The following MGST1 variants were observed in gnomAD, a reference collection of about 807,000 sequenced individuals.
MGST1 encodes glutathione S-transferase 12.
In MGST1, 5 loss-of-function variants were observed where a neutral mutation model predicts 8.9. The observed-to-expected ratio is 0.56, with a 90% CI of 0.29 to 1.19. The LOEUF is 1.19. Ranked by LOEUF, MGST1 falls within the 50% of genes most tolerant of loss-of-function variation. The pLI, the probability that MGST1 is intolerant of heterozygous loss-of-function variation, is 0.08. For missense variants in MGST1, 182 were observed against 187.4 expected, an observed-to-expected ratio of 0.97 and a Z score of 0.17; for synonymous variants, 54 against 67.8, an observed-to-expected ratio of 0.80 and a Z score of 1.00.
chr12:16,532,130 A>G (rs919453682), intron 4 of MGST1, among the ~76,000 whole-genome samples: 6 of 152,090 alleles, frequency 3.9e-5, no homozygotes, highest in Non-Finnish European at 7.4e-5. Flanking sequence ...AGACTGCAAA[A>G]TCACAGGAAC....
At chr12:16,486,354 A>C (rs1219789901) in intron 4 of MGST1, among the ~76,000 whole-genome samples, 2 of 152,230 alleles carry the variant, frequency 1.3e-5, no homozygotes, top group South Asian at 4.1e-4. Context: ...ATTGATGACT[A>C]TTTGTTAGAT....
intron 4 of MGST1, among the ~76,000 whole-genome samples, chr12:16,485,898 A>G (rs1246804944): frequency 6.6e-6 from 1 of 152,224 alleles, no homozygotes; most frequent in Non-Finnish European, 1.5e-5. Flanking sequence ...GAAAAAAAGA[A>G]ATTACAAAGT....
At chr12:16,483,948 C>T (rs779694656) in intron 4 of MGST1, among the ~76,000 whole-genome samples, 2 of 152,154 alleles carry the variant, frequency 1.3e-5, no homozygotes, top group Non-Finnish European at 2.9e-5. Context: ...ATATTCTAGG[C>T]ATAAAACAAA....
At chr12:16,427,478 G>A (rs1940900385) in intron 1 of MGST1, among the ~76,000 whole-genome samples, 1 of 152,120 alleles carries the variant, frequency 6.6e-6, no homozygotes, top group African/African-American at 2.4e-5. Context: ...TGTCTCCTGG[G>A]TTTAAGCGAT....
chr12:16,541,740 C>T (rs549062149), intron 4 of MGST1, among the ~76,000 whole-genome samples: 2 of 151,998 alleles, frequency 1.3e-5, no homozygotes, highest in Admixed American at 1.3e-4. Context: ...GAAGTGACGA[C>T]ATCATACTTC....
intron 1 of MGST1, among the ~76,000 whole-genome samples, chr12:16,396,944 T>G (rs565111979): frequency 6.6e-6 from 1 of 152,038 alleles, no homozygotes; most frequent in African/African-American, 2.4e-5. Flanking sequence ...ATCCTAAAAT[T>G]AATAGGATTA....
At chr12:16,414,401 T>A (rs1338858686) in intron 1 of MGST1, among the ~76,000 whole-genome samples, 6 of 149,504 alleles carry the variant, frequency 4.0e-5, no homozygotes, top group South Asian at 2.1e-4. Flanking sequence ...TTTTATTTTT[T>A]TTTTTATTTT....
In MGST1 at chr12:16,548,863, A is replaced by G. The variant is rs1224216920; in HGVS notation, n.483-40665A>G. On this transcript the variant is annotated intron_variant and non_coding_transcript_variant, in intron 4 of 4. Coordinates refer to the MGST1 transcript ENST00000538857. The surrounding 1 kb of genome is among the most constrained non-coding windows in gnomAD (Gnocchi z 4.2). ...AAGGCCTTAATCTTTAATCCAGGTG[A>G]GTAATTTTGTTTGTAGTAAAAAGCA... 1 of 152,146 alleles carries G rather than the reference A, an allele frequency of 6.6e-6. No individual in the cohort carries two copies. The highest frequency in any genetic ancestry group is 2.4e-5 in the African/African-American group (1 of 41,420). The allele number at this position is 152,146 out of a possible 1,614,324, so 9.4% of individuals were successfully genotyped here.
intron 1 of MGST1, among the ~76,000 whole-genome samples, chr12:16,351,995 A>G (rs1939488137): frequency 6.6e-6 from 1 of 152,180 alleles, no homozygotes; most frequent in South Asian, 2.1e-4. Context: ...TTGAATTAGA[A>G]TTAAGCAGAA....
At chr12:16,590,016 A>G (rs1232875205), downstream of MGST1, among the ~76,000 whole-genome samples, 3 of 152,088 alleles carry the variant, frequency 2.0e-5, no homozygotes, top group African/African-American at 7.2e-5. Context: ...TATAAGATTC[A>G]AAGCACATTT....
chr12:16,452,989 T>G (rs1403719701), intron 4 of MGST1, among the ~76,000 whole-genome samples: 1 of 151,952 alleles, frequency 6.6e-6, no homozygotes, highest in East Asian at 1.9e-4. Context: ...TTTTCTTAAA[T>G]TTGATTAAAG....
At chr12:16,484,238 T>C (rs763619906) in intron 4 of MGST1, among the ~76,000 whole-genome samples, 2 of 152,154 alleles carry the variant, frequency 1.3e-5, no homozygotes, top group Non-Finnish European at 2.9e-5. Flanking sequence ...TTGGTGTGAA[T>C]TGTAGCAGAA....
chr12:16,399,767 G>A (rs2137061399), intron 1 of MGST1: 5 of 1,169,648 alleles, frequency 4.3e-6, no homozygotes, highest in South Asian at 3.7e-5. Flanking sequence ...TCAGGTTGCA[G>A]GAATTCAACC....
At chr12:16,435,620 T>G (rs755325905) in intron 1 of MGST1, among the ~76,000 whole-genome samples, 12 of 151,968 alleles carry the variant, frequency 7.9e-5, no homozygotes, top group Non-Finnish European at 1.5e-4. Context: ...TATTGATCTT[T>G]TCTAACATGC....
intron 1 of MGST1, among the ~76,000 whole-genome samples, chr12:16,407,781 C>G (rs1940708223): frequency 6.6e-6 from 1 of 152,030 alleles, no homozygotes; most frequent in South Asian, 2.1e-4. Flanking sequence ...CACCTGTAAT[C>G]CCAGCACATT....
chr12:16,509,803 C>G (rs921944555), intron 4 of MGST1, among the ~76,000 whole-genome samples: 1 of 152,050 alleles, frequency 6.6e-6, no homozygotes, highest in African/African-American at 2.4e-5. Flanking sequence ...GGGTATATAG[C>G]CTTTCTCTAG....
chr12:16,547,510 T>C lies in MGST1; in HGVS notation n.483-42018T>C, dbSNP rs536459834. 1.4e-4 allele frequency among the ~76,000 whole-genome samples: 21 copies of C among 152,232 alleles called. No homozygotes were observed. The highest frequency in any genetic ancestry group is 4.1e-4 in the African/African-American group (17 of 41,536). On this transcript the variant is annotated intron_variant and non_coding_transcript_variant, in intron 4 of 4. Transcript: ENST00000538857. This position sits in a 1 kb window ranked among gnomAD's most constrained non-coding sequence, Gnocchi z 4.6. The stretch of plus-strand genomic sequence containing the variant: ...CTTTTGTGTGCTCATTATTAGCAGG[T>C]TGGAGATGAGCACAAACCAGTGCAA...
chr12:16,584,874 T>A lies in MGST1; in HGVS notation n.483-4654T>A, dbSNP rs1220006392. 6.6e-6 allele frequency among the ~76,000 whole-genome samples: 1 copy of A among 152,134 alleles called. No individual in the cohort carries two copies. The highest frequency in any genetic ancestry group is 2.4e-5 in the African/African-American group (1 of 41,440). The stretch of plus-strand genomic sequence containing the variant: ...TGATCCTCTCTTCAAGAATTCAGGA[T>A]GCGAGGAAATATTTTCAAACACCTT... On this transcript the variant is annotated intron_variant and non_coding_transcript_variant, in intron 4 of 4. Coordinates refer to the MGST1 transcript ENST00000538857. The surrounding 1 kb of genome is among the most constrained non-coding windows in gnomAD (Gnocchi z 5.2).
intron 4 of MGST1, among the ~76,000 whole-genome samples, chr12:16,551,586 T>C (rs77407823): frequency 1.8e-3 from 269 of 151,050 alleles, no homozygotes; most frequent in East Asian, 6.6e-3. Flanking sequence ...GCACCAAAGA[T>C]GACTTGCTTT....
Sources: gnomAD v4.1 joint callset for allele counts (sites outside exome capture counted in the v4.1 genomes callset) on GRCh38, gnomAD v4.1.1 for gene constraint, Gnocchi (gnomAD v3.1) non-coding constraint, MANE v1.5 for transcripts, NCBI Gene and HGNC (gene_info 2026-07-23, HGNC 2026-07-21) for gene names.